The following DOK4 variants were observed in gnomAD, a reference collection of about 807,000 sequenced individuals.
DOK4 encodes the protein downstream of tyrosine kinase 4.
Under a neutral mutation model 40.1 loss-of-function variants are expected in DOK4, and 26 were observed. The ratio of observed to expected loss-of-function variants is 0.65; its 90% CI spans 0.48 to 0.90. DOK4 has a LOEUF of 0.90. Among genes scored for constraint, DOK4 ranks in the 40% least tolerant of loss-of-function variants. DOK4 has a pLI of 0.00. For synonymous variants in DOK4, 179 were observed against 177.0 expected (o/e 1.01, Z -0.09); for missense variants, 392 against 437.2 (o/e 0.90, Z 0.92).
chr16:57,478,126 C>T (rs540106366), intron 2 of DOK4, among the ~76,000 whole-genome samples: 1 of 152,362 alleles, frequency 6.6e-6, no homozygotes, highest in South Asian at 2.1e-4. Flanking sequence ...GGCCTCCCTA[C>T]CTCAGCCTCA....
intron 2 of DOK4, among the ~76,000 whole-genome samples, chr16:57,478,860 C>T (rs1485995438): frequency 6.7e-6 from 1 of 149,708 alleles, no homozygotes; most frequent in African/African-American, 2.5e-5. Context: ...AGCTTCAGTG[C>T]CTCACACCAC....
At chr16:57,476,183 C>T (rs1415526807) in intron 2 of DOK4, 5 of 555,394 alleles carry the variant, frequency 9.0e-6, no homozygotes, top group South Asian at 4.0e-5. Flanking sequence ...GGCTCCAAAA[C>T]GCTGTTCCAC....
chr16:57,473,426 G>C (rs1343912872), exon 9 of DOK4: 1 of 1,614,196 alleles, frequency 6.2e-7, no homozygotes, highest in Non-Finnish European at 8.5e-7. Context: ...GCTGGGCTTT[G>C]GCTTTAGCAG....
At chr16:57,480,474 C>G (rs1303215695) in intron 1 of DOK4, 2 of 153,070 alleles carry the variant, frequency 1.3e-5, no homozygotes, top group African/African-American at 2.4e-5. Context: ...CTGGAGGTAG[C>G]CACTGTGGGA....
chr16:57,475,395 A>C, intron 4 of DOK4, 111 bp downstream of exon 4: 7 of 1,359,104 alleles, frequency 5.2e-6, no homozygotes, highest in Non-Finnish European at 7.1e-6. Flanking sequence ...CCCCACACAC[A>C]CCACACCACC....
exon 9 of DOK4, chr16:57,473,221 C>T: frequency 8.3e-7 from 1 of 1,210,022 alleles, no homozygotes; most frequent in South Asian, 1.6e-5. Context: ...AGCCCTTTGC[C>T]TCAGTCCAGC....
Position 57,473,496 on chromosome 16 carries a change from C to T in DOK4, c.863-1G>A. ...GCCTGGGCTGCCCCATACCCCTCAC[C>T]TGTGGGCACAGAAGCAGGCTCAGAA... On this transcript the variant is annotated splice_acceptor_variant, in intron 8 of 8. Transcript: ENST00000340099. LOFTEE classifies it high-confidence loss of function. 1.2e-6 allele frequency: 2 copies of T among 1,614,242 alleles called. No homozygotes were observed. Among genetic ancestry groups the T allele is most frequent in the Non-Finnish European group, 8.5e-7 (1 of 1,180,046 alleles).
Position 57,474,954 on chromosome 16 carries a change from G to T in DOK4, c.438C>A (p.Cys146Ter). 1 of 1,612,120 alleles carries T rather than the reference G, an allele frequency of 6.2e-7. No homozygotes were observed. The highest frequency in any genetic ancestry group is 8.5e-7 in the Non-Finnish European group (1 of 1,178,496). The change falls in exon 6 of 9, where the codon TGC (cysteine) becomes TGA (stop). Residue 146 changes from cysteine (C) to a stop codon, truncating the protein, a stop_gained. Coordinates refer to ENST00000340099, the Ensembl canonical transcript of DOK4. LOFTEE classifies it high-confidence loss of function. Reference sequence around the variant, plus strand: ...ACTCGCCATACACGTCCAGGTTGGGGCAGGGCAGCAGGAAGACATTGAAGC... The same window carrying T: ...ACTCGCCATACACGTCCAGGTTGGGTCAGGGCAGCAGGAAGACATTGAAGC...
exon 9 of DOK4, chr16:57,473,293 C>T (rs1444039755): frequency 2.7e-6 from 4 of 1,503,728 alleles, no homozygotes; most frequent in Non-Finnish European, 3.5e-6. Flanking sequence ...TGGCCGACAG[C>T]CCCCTGAGGC....
chr16:57,479,309 G>A lies in DOK4; in HGVS notation c.66+133C>T, dbSNP rs1425297905. On this transcript the variant is annotated intron_variant, in intron 2 of 8. Transcript: ENST00000340099. This position sits in a 1 kb window ranked among gnomAD's most constrained non-coding sequence, Gnocchi z 5.8. Reference sequence around the variant, plus strand: ...AGGCAGCACGCTGGCGAGGAGCCCCGAGACCACAGATGCACGATGCCCGGC... The same window carrying A: ...AGGCAGCACGCTGGCGAGGAGCCCCAAGACCACAGATGCACGATGCCCGGC... 5 of 993,964 alleles carry A rather than the reference G, an allele frequency of 5.0e-6. No homozygotes were observed. The highest frequency in any genetic ancestry group is 1.5e-5 in the South Asian group (1 of 64,670). The allele number at this position is 993,964 out of a possible 1,614,324, so 61.6% of individuals were successfully genotyped here.
chr16:57,473,003 C>T (rs223875), exon 9 of DOK4: 20,487 of 191,846 alleles, frequency 0.11, 1,744 homozygotes, highest in African/African-American at 0.25. Flanking sequence ...GGAGGATGGA[C>T]ACGACTGCAC....
At position 57,485,989 on chromosome 16, in the gene DOK4, G is replaced by T. The variant is rs747085965; in HGVS notation, c.-182+316C>A. 6.6e-6 allele frequency among the ~76,000 whole-genome samples: 1 copy of T among 152,190 alleles called. No homozygotes were observed. Among genetic ancestry groups the T allele is most frequent in the African/African-American group, 2.4e-5 (1 of 41,468 alleles). On this transcript the variant is annotated intron_variant, in intron 1 of 8. Coordinates refer to ENST00000340099, the Ensembl canonical transcript of DOK4. This position sits in a 1 kb window ranked among gnomAD's most constrained non-coding sequence, Gnocchi z 4.3. ...GGGCTGGGTTATGCCCCTTCCGGGG[G>T]GGCAGGCCCGGGAGCGCAGGGCCTG...
At chr16:57,480,069 G>C (rs1268588582) in intron 1 of DOK4, among the ~76,000 whole-genome samples, 2 of 152,130 alleles carry the variant, frequency 1.3e-5, no homozygotes, top group Non-Finnish European at 2.9e-5. Flanking sequence ...GATAACTCTG[G>C]TGCAAATTTA....
chr16:57,482,143 C>T (rs1050454398), intron 1 of DOK4, among the ~76,000 whole-genome samples: 2 of 151,672 alleles, frequency 1.3e-5, no homozygotes, highest in Admixed American at 6.6e-5. Flanking sequence ...GGATTACAGG[C>T]GTGAGCCACT....
intron 7 of DOK4, 29 bp downstream of exon 7, chr16:57,473,872 G>T (rs200993113): frequency 7.1e-6 from 9 of 1,259,484 alleles, no homozygotes; most frequent in Admixed American, 2.2e-5. Flanking sequence ...CCCTCCCCCC[G>T]TACCCTGGAC....
chr16:57,482,730 A>G (rs1318490509), intron 1 of DOK4, among the ~76,000 whole-genome samples: 1 of 152,158 alleles, frequency 6.6e-6, no homozygotes, highest in East Asian at 1.9e-4. Context: ...CAAGTGATCC[A>G]CAAGGCTCGG....
intron 1 of DOK4, among the ~76,000 whole-genome samples, chr16:57,483,193 G>A (rs2146669739): frequency 6.6e-6 from 1 of 152,324 alleles, no homozygotes; most frequent in South Asian, 2.1e-4. Context: ...CCAATAGGTG[G>A]ACCCACAAAT....
rs1414986600 is a variant in DOK4, at chr16:57,475,565, C to T, written c.230G>A (p.Arg77Gln). 4 of 1,610,268 alleles carry T rather than the reference C, an allele frequency of 2.5e-6. No individual in the cohort carries two copies. Among genetic ancestry groups the T allele is most frequent in the Admixed American group, 1.7e-5 (1 of 59,738 alleles). Residue 77 changes from arginine (R) to glutamine (Q), a missense_variant, in exon 4 of 9, where the codon CGG becomes CAG. Coordinates refer to ENST00000340099, the Ensembl canonical transcript of DOK4. ...AGTGAATATGATGGCCACCGCCTGCCGCTTGGTCTCCTTGGGGAGCCGCGT... is the reference window on the plus strand; with the variant it reads ...AGTGAATATGATGGCCACCGCCTGCTGCTTGGTCTCCTTGGGGAGCCGCGT...
chr16:57,477,004 T>C (rs1450404834), intron 2 of DOK4, among the ~76,000 whole-genome samples: 1 of 151,906 alleles, frequency 6.6e-6, no homozygotes, highest in Middle Eastern at 3.4e-3. Flanking sequence ...GTTTACCTAC[T>C]CCTTCCAGCG....
Sources: gnomAD v4.1 joint callset for allele counts (sites outside exome capture counted in the v4.1 genomes callset) on GRCh38, gnomAD v4.1.1 for gene constraint, Gnocchi (gnomAD v3.1) non-coding constraint, MANE v1.5 for transcripts, NCBI Gene and HGNC (gene_info 2026-07-23, HGNC 2026-07-21) for gene names.